Variants in CRYBG1 observed in about 807,000 individuals in gnomAD.
CRYBG1 encodes the protein beta/gamma crystallin domain-containing protein 1.
CRYBG1 carries 139 observed loss-of-function variants against 189.2 expected under a neutral mutation model. The observed-to-expected ratio is 0.73, with a 90% CI of 0.64 to 0.85. The LOEUF is 0.85. Ranked by LOEUF, CRYBG1 falls within the 40% of genes least tolerant of loss-of-function variation. The pLI is 0.00. For synonymous variants in CRYBG1, 1,023 were observed against 1,017.1 expected (o/e 1.01, Z -0.11); for missense variants, 2,611 against 2,675.8 (o/e 0.98, Z 0.53).
chr6:106,408,885 A>G (rs1770873641), intron 1 of CRYBG1, among the ~76,000 whole-genome samples: 1 of 152,192 alleles, frequency 6.6e-6, no homozygotes. Flanking sequence ...AAATAGTAAG[A>G]GCTATTTATG....
intron 1 of CRYBG1, among the ~76,000 whole-genome samples, chr6:106,433,765 AT>A (rs1156367342): frequency 2.4e-5 from 2 of 83,840 alleles, no homozygotes; most frequent in Non-Finnish European, 5.5e-5. Flanking sequence ...ATGTGTATAT[AT>A]ATATATGTAT....
chr6:106,422,686 A>T (rs1234518040), intron 1 of CRYBG1, among the ~76,000 whole-genome samples: 1 of 152,128 alleles, frequency 6.6e-6, no homozygotes, highest in Non-Finnish European at 1.5e-5. Context: ...TGCTACTGTG[A>T]CTTGGGACAA....
intron 8 of CRYBG1, among the ~76,000 whole-genome samples, chr6:106,532,870 T>G (rs1773908371): frequency 6.6e-6 from 1 of 152,142 alleles, no homozygotes; most frequent in Non-Finnish European, 1.5e-5. Flanking sequence ...GACAAGAAAT[T>G]GGGACTTTAA....
At position 106,563,875 on chromosome 6, in the gene CRYBG1, G is replaced by A. The variant is rs373155550; in HGVS notation, c.6250G>A (p.Asp2084Asn). ...ADSQFWSLKS[D>N]GRIYSKLKPN... ...CAGCCAGTTCTGGAGCTTGAAGTCC[G>A]ATGGCAGGATTTACAGCAAGTTGAA... The change falls in exon 21 of 22, where the codon GAT (aspartate) becomes AAT (asparagine). Residue 2084 changes from aspartate to asparagine, a missense_variant. By Grantham distance (23) the Asp-to-Asn change is conservative (BLOSUM62 1). Around this residue, in one of 3 missense-constraint regions of CRYBG1, gnomAD observed 1,622 missense variants for 1,735.0 expected, o/e 0.93. Coordinates refer to ENST00000633556, the MANE Select transcript of CRYBG1 (RefSeq NM_001371242.2). 42 of 1,613,428 alleles carry A rather than the reference G, an allele frequency of 2.6e-5. No homozygotes were observed. The highest frequency in any genetic ancestry group is 3.1e-5 in the Non-Finnish European group (36 of 1,179,482).
chr6:106,377,919 T>G (rs563844848), intron 1 of CRYBG1, among the ~76,000 whole-genome samples: 21 of 152,196 alleles, frequency 1.4e-4, no homozygotes, highest in African/African-American at 5.1e-4. Context: ...GGGTTTTAAT[T>G]TTAGATTTCT....
intron 1 of CRYBG1, among the ~76,000 whole-genome samples, chr6:106,436,688 A>C (rs1166664871): frequency 6.6e-6 from 1 of 152,204 alleles, no homozygotes; most frequent in Non-Finnish European, 1.5e-5. Flanking sequence ...GACATGCAAT[A>C]ATTTACTTAG....
intron 1 of CRYBG1, among the ~76,000 whole-genome samples, chr6:106,367,893 G>A (rs920169591): frequency 6.6e-6 from 1 of 151,982 alleles, no homozygotes; most frequent in African/African-American, 2.4e-5. Context: ...TTTGAGCCCA[G>A]GAGTTATGAT....
chr6:106,527,215 T>C (rs1773759557), intron 6 of CRYBG1, 90 bp from the exon 7 acceptor site: 1 of 1,036,488 alleles, frequency 9.6e-7, no homozygotes. Flanking sequence ...TCTATATATA[T>C]ATATAAAATG....
At chr6:106,400,210 G>A (rs1393792504) in intron 1 of CRYBG1, among the ~76,000 whole-genome samples, 4 of 151,582 alleles carry the variant, frequency 2.6e-5, no homozygotes, top group Non-Finnish European at 5.9e-5. Context: ...AAACTCCTGG[G>A]CTCGAGTAAT....
At chr6:106,499,419 C>T (rs1157867341) in intron 2 of CRYBG1, among the ~76,000 whole-genome samples, 1 of 151,332 alleles carries the variant, frequency 6.6e-6, no homozygotes, top group Non-Finnish European at 1.5e-5. Flanking sequence ...CTCAGCCTCC[C>T]AAAGTGTTGG....
intron 2 of CRYBG1, among the ~76,000 whole-genome samples, chr6:106,489,023 T>G (rs1317333020): frequency 1.3e-5 from 2 of 152,160 alleles, no homozygotes; most frequent in Non-Finnish European, 2.9e-5. Context: ...ACACTGGACT[T>G]AGGGCCTTCC....
At chr6:106,377,488 T>C (rs756450167) in intron 1 of CRYBG1, among the ~76,000 whole-genome samples, 4 of 152,048 alleles carry the variant, frequency 2.6e-5, no homozygotes, top group Non-Finnish European at 5.9e-5. Flanking sequence ...ACAGGCCTTT[T>C]AAATCCAATA....
intron 4 of CRYBG1, among the ~76,000 whole-genome samples, 175 bp downstream of exon 4, chr6:106,521,628 A>G (rs950341524): frequency 4.7e-5 from 4 of 84,748 alleles, no homozygotes; most frequent in Middle Eastern, 6.1e-3. Context: ...AGAGTGCAAG[A>G]AAAAAATGTA....
intron 1 of CRYBG1, among the ~76,000 whole-genome samples, chr6:106,427,388 T>C (rs889109284): frequency 6.6e-6 from 1 of 152,222 alleles, no homozygotes; most frequent in African/African-American, 2.4e-5. Flanking sequence ...TCAGTAAATC[T>C]AAATAATTCA....
At chr6:106,485,972 C>T (rs1476744943) in intron 2 of CRYBG1, among the ~76,000 whole-genome samples, 1 of 152,054 alleles carries the variant, frequency 6.6e-6, no homozygotes, top group African/African-American at 2.4e-5. Context: ...CAGGGTAATG[C>T]TGCCTTCATT....
intron 2 of CRYBG1, among the ~76,000 whole-genome samples, chr6:106,484,728 G>A (rs9400014): frequency 0.12 from 18,370 of 151,832 alleles, 1,277 homozygotes; most frequent in East Asian, 0.27. Flanking sequence ...GCTCATAACT[G>A]TAATCCTAGA....
chr6:106,368,941 C>G (rs1425289505), intron 1 of CRYBG1, among the ~76,000 whole-genome samples: 1 of 152,098 alleles, frequency 6.6e-6, no homozygotes, highest in African/African-American at 2.4e-5. Context: ...ATATTTGTAA[C>G]AACAAAATGT....
chr6:106,447,154 G>T (rs1771678135), intron 1 of CRYBG1, among the ~76,000 whole-genome samples: 1 of 152,138 alleles, frequency 6.6e-6, no homozygotes, highest in Admixed American at 6.5e-5. Context: ...TTTGGCGGTT[G>T]TTTTATGTTA....
intron 2 of CRYBG1, among the ~76,000 whole-genome samples, chr6:106,483,366 G>GTGTGTGTT (rs2114483091): frequency 7.8e-6 from 1 of 128,946 alleles, no homozygotes; most frequent in East Asian, 2.8e-4. Flanking sequence ...TTGTGTGTGT[G>GTGTGTGTT]TGTGTGTGTG....
Sources: allele counts gnomAD v4.1 joint callset (sites outside exome capture counted in the v4.1 genomes callset), GRCh38; gene constraint gnomAD v4.1.1; regional missense constraint gnomAD v4.1.1; transcripts MANE v1.5; gene names NCBI Gene and HGNC (gene_info 2026-07-23, HGNC 2026-07-21).